Variants in MYO3B observed in about 807,000 individuals in gnomAD.
MYO3B encodes the protein myosin IIIB, also known as myosin-IIIb.
Under a neutral mutation model 174.6 loss-of-function variants are expected in MYO3B, and 156 were observed. The ratio of observed to expected loss-of-function variants is 0.89; its 90% CI spans 0.78 to 1.02. The LOEUF (loss-of-function observed/expected upper bound fraction) is 1.02, where lower values mean the gene tolerates loss of function less well. Among genes scored for constraint, MYO3B ranks in the 50% least tolerant of loss-of-function variants. The probability of loss-of-function intolerance (pLI) is 0.00; values close to 1 mark genes in which losing one functional copy is unlikely to be tolerated. For missense variants in MYO3B, 1,632 were observed against 1,639.4 expected (o/e 1.00, Z 0.08); for synonymous variants, 563 against 569.1 (o/e 0.99, Z 0.15).
chr2:170,608,639 T>C (rs1322758041), intron 32 of MYO3B, among the ~76,000 whole-genome samples: 1 of 151,354 alleles, frequency 6.6e-6, no homozygotes, highest in African/African-American at 2.4e-5. Flanking sequence ...GTGGTCCCAG[T>C]ATGCTTCAGC....
chr2:170,244,154 G>A (rs2093165632), intron 7 of MYO3B, among the ~76,000 whole-genome samples: 1 of 152,172 alleles, frequency 6.6e-6, no homozygotes, highest in South Asian at 2.1e-4. Flanking sequence ...CTCGGTTGAT[G>A]AGTCGTATGA....
At chr2:170,549,275 C>T (rs973382910) in intron 32 of MYO3B, among the ~76,000 whole-genome samples, 2 of 152,156 alleles carry the variant, frequency 1.3e-5, no homozygotes, top group African/African-American at 4.8e-5. Flanking sequence ...AGGGAGTATA[C>T]CTTAATCACG....
intron 7 of MYO3B, among the ~76,000 whole-genome samples, chr2:170,242,707 G>C (rs932506039): frequency 6.6e-6 from 1 of 152,144 alleles, no homozygotes; most frequent in Non-Finnish European, 1.5e-5. Context: ...ACAGGCCAAA[G>C]GTGCGAGGGG....
intron 32 of MYO3B, among the ~76,000 whole-genome samples, chr2:170,623,133 C>T (rs926229477): frequency 6.6e-6 from 1 of 152,142 alleles, no homozygotes; most frequent in Non-Finnish European, 1.5e-5. Flanking sequence ...TTCTAGATCC[C>T]TGAGGAATCG....
intron 7 of MYO3B, among the ~76,000 whole-genome samples, chr2:170,250,773 T>C (rs1242496296): frequency 6.6e-6 from 1 of 152,094 alleles, no homozygotes; most frequent in African/African-American, 2.4e-5. Context: ...CTCAGCAGGA[T>C]GGATGAGGAG....
intron 7 of MYO3B, among the ~76,000 whole-genome samples, chr2:170,260,381 G>A (rs1190698632): frequency 2.0e-5 from 3 of 152,188 alleles, no homozygotes; most frequent in Admixed American, 2.0e-4. Context: ...CCATAAAAAG[G>A]GATAAAATCA....
At chr2:170,409,289 C>G (rs1310824560) in intron 22 of MYO3B, among the ~76,000 whole-genome samples, 4 of 152,216 alleles carry the variant, frequency 2.6e-5, no homozygotes, top group African/African-American at 9.7e-5. Context: ...TCCCTTGATT[C>G]ACCCAACTGC....
intron 25 of MYO3B, among the ~76,000 whole-genome samples, chr2:170,492,256 A>T (rs965750160): frequency 1.3e-5 from 2 of 152,140 alleles, no homozygotes. Flanking sequence ...ATCCTCTCAG[A>T]TGGTTCTTTC....
intron 32 of MYO3B, among the ~76,000 whole-genome samples, chr2:170,629,877 A>T (rs1455612453): frequency 6.6e-6 from 1 of 151,954 alleles, no homozygotes; most frequent in Non-Finnish European, 1.5e-5. Flanking sequence ...CCCACACAAT[A>T]ATGAACTAGA....
At chr2:170,405,514 T>C (rs747098898) in intron 20 of MYO3B, 31 bp from the exon 21 acceptor site, 2 of 1,605,982 alleles carry the variant, frequency 1.2e-6, no homozygotes, top group Admixed American at 1.7e-5. Flanking sequence ...ATAATTCACA[T>C]TGTAACTCTC....
chr2:170,651,167 C>T (rs1363715178), intron 32 of MYO3B, among the ~76,000 whole-genome samples: 1 of 152,166 alleles, frequency 6.6e-6, no homozygotes, highest in Non-Finnish European at 1.5e-5. Context: ...ATTTCCCCCC[C>T]GACAAAATGT....
chr2:170,407,833 T>G lies in MYO3B; in HGVS notation c.2639T>G (p.Leu880Arg). ...KLLQQLFSIP[L>R]TKTGNLAQTR... The stretch of plus-strand genomic sequence containing the variant: ...CTTCAGCAGCTCTTCTCAATCCCTC[T>G]GACCAAAACAGGTACTTGGGAACCC... The change falls in exon 22 of 35, where the codon CTG becomes CGG. Residue 880 changes from leucine to arginine, a missense_variant. Transcript: ENST00000408978. 1 of 1,614,044 alleles carries G rather than the reference T, an allele frequency of 6.2e-7. No individual in the cohort carries two copies. The highest frequency in any genetic ancestry group is 8.5e-7 in the Non-Finnish European group (1 of 1,179,892).
At chr2:170,348,384 T>C (rs6433195) in intron 8 of MYO3B, 84,687 of 151,778 alleles carry the variant, frequency 0.56, 24,273 homozygotes, top group East Asian at 0.7. Context: ...ATTACAGGTG[T>C]CTGCTACTAT....
chr2:170,279,106 C>T (rs56726300), intron 7 of MYO3B, among the ~76,000 whole-genome samples: 14,256 of 151,950 alleles, frequency 0.094, 832 homozygotes, highest in African/African-American at 0.16. Flanking sequence ...GTGCATGTAT[C>T]CCTTTTATAT....
intron 28 of MYO3B, among the ~76,000 whole-genome samples, chr2:170,505,057 GTT>G (rs1687536391): frequency 6.6e-6 from 1 of 151,980 alleles, no homozygotes; most frequent in East Asian, 1.9e-4. Flanking sequence ...GGCCCAAACA[GTT>G]CACCAGCCAG....
intron 32 of MYO3B, among the ~76,000 whole-genome samples, chr2:170,643,398 G>A (rs1418082004): frequency 6.6e-6 from 1 of 152,144 alleles, no homozygotes; most frequent in Non-Finnish European, 1.5e-5. Flanking sequence ...CCCTCATTGA[G>A]AAGAAAGATT....
chr2:170,586,463 C>T (rs569180232), intron 32 of MYO3B, among the ~76,000 whole-genome samples: 90 of 152,340 alleles, frequency 5.9e-4, no homozygotes, highest in Middle Eastern at 3.4e-3. Context: ...TGCACCCGCT[C>T]ACCACATGGG....
At chr2:170,470,119 A>G (rs1026452663) in intron 25 of MYO3B, among the ~76,000 whole-genome samples, 6 of 151,060 alleles carry the variant, frequency 4.0e-5, no homozygotes, top group Admixed American at 1.3e-4. Flanking sequence ...AAAAAAAAAA[A>G]AAAAAAAAAA....
chr2:170,290,203 G>A (rs527485919), intron 7 of MYO3B, among the ~76,000 whole-genome samples: 1 of 151,924 alleles, frequency 6.6e-6, no homozygotes, highest in South Asian at 2.1e-4. Flanking sequence ...ATTAGATTTA[G>A]TGTGGAGTTT....
Sources: allele counts gnomAD v4.1 joint callset (sites outside exome capture counted in the v4.1 genomes callset), GRCh38; gene constraint gnomAD v4.1.1; transcripts MANE v1.5; gene names NCBI Gene and HGNC (gene_info 2026-07-23, HGNC 2026-07-21).